Variants in PDIA5 observed in about 807,000 individuals in gnomAD.
The protein encoded by PDIA5 is protein disulfide-isomerase A5.
Under a neutral mutation model 77.6 loss-of-function variants are expected in PDIA5, and 58 were observed. That is an observed-to-expected ratio of 0.75 (90% CI 0.61 to 0.93). The LOEUF is 0.93. Ranked by LOEUF, PDIA5 falls within the 40% of genes least tolerant of loss-of-function variation. The pLI, the probability that PDIA5 is intolerant of heterozygous loss-of-function variation, is 0.00. For missense variants in PDIA5, 630 were observed against 647.7 expected, an observed-to-expected ratio of 0.97 and a Z score of 0.30; for synonymous variants, 250 against 252.1, an observed-to-expected ratio of 0.99 and a Z score of 0.08.
At chr3:123,128,252 T>C (rs1935287354) in intron 10 of PDIA5, among the ~76,000 whole-genome samples, 1 of 152,218 alleles carries the variant, frequency 6.6e-6, no homozygotes, top group Admixed American at 6.5e-5. Context: ...GTGTGGTTCT[T>C]GGGCCCCTAC....
At chr3:123,086,796 G>A (rs1341799793) in intron 1 of PDIA5, among the ~76,000 whole-genome samples, 2 of 152,128 alleles carry the variant, frequency 1.3e-5, no homozygotes, top group African/African-American at 2.4e-5. Context: ...AGTGGAAGAC[G>A]GGTCCCAGTA....
rs921982355 is a variant in PDIA5 at position 123,123,184 on chromosome 3, G to A, written c.610-882G>A. Among the ~76,000 whole-genome samples, 6 of 152,176 alleles carry A rather than the reference G, an allele frequency of 3.9e-5. No homozygotes were observed. In the South Asian group the frequency reaches 6.2e-4, roughly 16 times the overall value. On this transcript the variant is annotated intron_variant, in intron 8 of 16. Transcript: ENST00000316218. ...CCCAGCTAATCAGGAGGCTGACAGC[G>A]GAGGATTGCTTGAGCCCAGGAGTTA...
chr3:123,124,109 T>C lies in PDIA5; in HGVS notation c.653T>C (p.Ile218Thr). The stretch of plus-strand genomic sequence containing the variant: ...GTCTACTCCTCTGAATTTGAAAACA[T>C]CAAGGAGGAGTACAGCGTGCGCGGC... ...MNVYSSEFEN[I>T]KEEYSVRGFP... The change falls in exon 9 of 17, where the codon ATC becomes ACC. Residue 218 changes from isoleucine to threonine, a missense_variant. Physicochemically the swap from Ile to Thr is moderately conservative, Grantham distance 89. Transcript: ENST00000316218. 1.2e-6 allele frequency: 2 copies of C among 1,614,102 alleles called. No homozygotes were observed. Among genetic ancestry groups the C allele is most frequent in the South Asian group, 2.2e-5 (2 of 91,080 alleles).
rs770545678 is a variant in PDIA5 at position 123,150,242 on chromosome 3, C to A, written c.1151C>A (p.Ala384Asp). ...KFLEWMQNPE[A>D]PPPPEPTWEE... ...CCCCTGGCTTCTTGCAGCCCTGAGG[C>A]CCCCCCGCCCCCAGAGCCCACGTGG... Residue 384 changes from alanine to aspartate, a missense_variant, in exon 14 of 17, where the codon GCC becomes GAC. By Grantham distance (126) the Ala-to-Asp change is moderately radical. Coordinates refer to ENST00000316218, the MANE Select transcript of PDIA5 (RefSeq NM_006810.4). 19 of 1,606,204 alleles carry A rather than the reference C, an allele frequency of 1.2e-5. No homozygotes were observed. Among genetic ancestry groups the A allele is most frequent in the South Asian group, 9.9e-5 (9 of 90,476 alleles).
intron 5 of PDIA5, among the ~76,000 whole-genome samples, chr3:123,103,458 G>A (rs1934652930): frequency 6.6e-6 from 1 of 152,094 alleles, no homozygotes; most frequent in Non-Finnish European, 1.5e-5. Flanking sequence ...ATTTCTCCTG[G>A]TCCTGACGTG....
chr3:123,135,538 C>T (rs1383336371), intron 11 of PDIA5, among the ~76,000 whole-genome samples: 2 of 152,174 alleles, frequency 1.3e-5, no homozygotes, highest in Non-Finnish European at 2.9e-5. Flanking sequence ...ATCTGCACTG[C>T]CTTCCAGGAG....
chr3:123,120,252 A>G (rs1423917661), intron 8 of PDIA5, among the ~76,000 whole-genome samples: 8 of 152,224 alleles, frequency 5.3e-5, no homozygotes, highest in Admixed American at 3.3e-4. Flanking sequence ...TGTACAGACC[A>G]GGCTCTAGTG....
chr3:123,078,435 T>C (rs11707487), intron 1 of PDIA5, among the ~76,000 whole-genome samples: 15,472 of 152,222 alleles, frequency 0.1, 1,110 homozygotes, highest in Admixed American at 0.25. Context: ...TCTTTGTAAC[T>C]TTTATTTAGA....
chr3:123,157,746 C>G (rs545972726), intron 15 of PDIA5, among the ~76,000 whole-genome samples: 2 of 152,364 alleles, frequency 1.3e-5, no homozygotes, highest in African/African-American at 4.8e-5. Context: ...TCCACCCCCT[C>G]CCGGGAGCTT....
chr3:123,102,571 T>G (rs2107933245), intron 4 of PDIA5, 77 bp downstream of exon 4: 1 of 1,160,972 alleles, frequency 8.6e-7, no homozygotes, highest in Non-Finnish European at 1.3e-6. Context: ...AACAGCAATT[T>G]TTAGTTAGAT....
chr3:123,149,621 A>C (rs754175668), intron 13 of PDIA5, among the ~76,000 whole-genome samples: 1 of 152,206 alleles, frequency 6.6e-6, no homozygotes, highest in Non-Finnish European at 1.5e-5. Flanking sequence ...TTATTAGAGC[A>C]TCTAGGCTCT....
intron 1 of PDIA5, among the ~76,000 whole-genome samples, chr3:123,076,607 G>A (rs1241203793): frequency 6.6e-6 from 1 of 152,244 alleles, no homozygotes; most frequent in Admixed American, 6.5e-5. Flanking sequence ...GAGATCATGT[G>A]TGTAAAAGCA....
At chr3:123,089,823 G>A (rs1460552426) in intron 2 of PDIA5, among the ~76,000 whole-genome samples, 2 of 152,216 alleles carry the variant, frequency 1.3e-5, no homozygotes, top group South Asian at 4.1e-4. Context: ...TGGGCTCTAA[G>A]CTTGGGTCAC....
chr3:123,146,993 T>C (rs1935787447), intron 13 of PDIA5, among the ~76,000 whole-genome samples: 1 of 152,120 alleles, frequency 6.6e-6, no homozygotes, highest in African/African-American at 2.4e-5. Flanking sequence ...GTATTTTTAG[T>C]AGAGACGGGG....
chr3:123,122,290 G>A (rs1016089840), intron 8 of PDIA5, among the ~76,000 whole-genome samples: 64 of 152,258 alleles, frequency 4.2e-4, no homozygotes, highest in African/African-American at 1.5e-3. Context: ...AAAAAAAAAG[G>A]ACTTTTAAAG....
At chr3:123,111,927 G>A (rs1173302250) in intron 7 of PDIA5, among the ~76,000 whole-genome samples, 1 of 151,912 alleles carries the variant, frequency 6.6e-6, no homozygotes, top group Non-Finnish European at 1.5e-5. Flanking sequence ...TCTGACAAAG[G>A]GTCAGCAAAT....
chr3:123,140,167 G>A (rs1314977192), intron 11 of PDIA5, among the ~76,000 whole-genome samples: 1 of 152,114 alleles, frequency 6.6e-6, no homozygotes, highest in Non-Finnish European at 1.5e-5. Flanking sequence ...GAAAGAACAT[G>A]TTCCAGGGCC....
intron 9 of PDIA5, 36 bp from the exon 10 acceptor site, chr3:123,124,236 G>A (rs1487000747): frequency 6.3e-6 from 10 of 1,588,454 alleles, no homozygotes; most frequent in Admixed American, 3.3e-5. Context: ...ATTTGCATCC[G>A]TGACTGAGCC....
intron 11 of PDIA5, among the ~76,000 whole-genome samples, chr3:123,135,053 C>G: frequency 6.6e-6 from 1 of 152,222 alleles, no homozygotes; most frequent in Non-Finnish European, 1.5e-5. Context: ...CGGAGATGCT[C>G]TCTGCAAATG....
Sources: allele counts gnomAD v4.1 joint callset (sites outside exome capture counted in the v4.1 genomes callset), GRCh38; gene constraint gnomAD v4.1.1; transcripts MANE v1.5; gene names NCBI Gene and HGNC (gene_info 2026-07-23, HGNC 2026-07-21).